The following SCAP variants were observed in gnomAD, a reference collection of about 807,000 sequenced individuals.
The protein encoded by SCAP is SREBF chaperone, also known as sterol regulatory element-binding protein cleavage-activating protein.
A neutral mutation model predicts 123.6 loss-of-function variants in SCAP; 65 were observed. That is an observed-to-expected ratio of 0.53 (90% confidence interval 0.43 to 0.65). The LOEUF (loss-of-function observed/expected upper bound fraction) is 0.65. SCAP is among the 30% of genes least tolerant of loss of function. The pLI is 0.00. For missense variants in SCAP, 1,398 were observed against 1,712.5 expected, an observed-to-expected ratio of 0.82 and a Z score of 3.24; for synonymous variants, 740 against 726.3, an observed-to-expected ratio of 1.02 and a Z score of -0.30.
At chr3:47,466,822 C>T (rs879945451) in intron 1 of SCAP, among the ~76,000 whole-genome samples, 1 of 152,124 alleles carries the variant, frequency 6.6e-6, no homozygotes, top group Non-Finnish European at 1.5e-5. Flanking sequence ...TGGTGGCTCA[C>T]GCCTTAATCC....
chr3:47,430,902 A>G (rs1317620160), intron 3 of SCAP, among the ~76,000 whole-genome samples: 3 of 152,196 alleles, frequency 2.0e-5, no homozygotes, highest in Non-Finnish European at 4.4e-5. Flanking sequence ...TCACCAATGC[A>G]GTACTCCAGG....
In SCAP at chr3:47,452,569, A is replaced by G. The variant is rs577627744; in HGVS notation, c.-98-9478T>C. On this transcript the variant is annotated intron_variant, in intron 1 of 22. Transcript: ENST00000265565. ...CACTTCATCCATCCTGTTCTTCACA[A>G]ATGTCCCAATCTAAATCCTTGTTAG... is the stretch of plus-strand genomic sequence containing the variant. Among the ~76,000 whole-genome samples the G allele has an allele frequency of 1.5e-3, 227 of 152,324 alleles. 1 individual carries two copies. The highest frequency in any genetic ancestry group is 1.2e-3 in the Non-Finnish European group (83 of 68,012).
Position 47,413,705 on chromosome 3 carries a change from G to GATGAT in SCAP, c.*144_*148dup. ...GTAGCTCCCAAAGTGCCTGACAGAT[G>GATGAT]ATGATATGGTTTTTTAAAAAAGTTT... is the stretch of plus-strand genomic sequence containing the variant. On this transcript the variant is annotated 3_prime_UTR_variant, in exon 23 of 23. Coordinates refer to ENST00000265565, the MANE Select transcript of SCAP (RefSeq NM_012235.4). 9.2e-7 allele frequency: 1 copy of GATGAT among 1,092,490 alleles called. No individual in the cohort carries two copies. Among genetic ancestry groups the GATGAT allele is most frequent in the Non-Finnish European group, 1.3e-6 (1 of 762,364 alleles). The allele number at this position is 1,092,490 out of a possible 1,614,324, so 67.7% of individuals were successfully genotyped here.
chr3:47,431,241 T>C (rs1470588234), intron 3 of SCAP, among the ~76,000 whole-genome samples: 1 of 1,596 alleles, frequency 6.3e-4, no homozygotes, highest in African/African-American at 6.8e-4. Context: ...CCACACTCAC[T>C]GTGCTGAGTG....
In SCAP at chr3:47,420,329, T is replaced by C. The variant is rs1705835967; in HGVS notation, c.1563+225A>G. Among the ~76,000 whole-genome samples, 3 of 152,304 alleles carry C rather than the reference T, an allele frequency of 2.0e-5. No homozygotes were observed. Among genetic ancestry groups the C allele is most frequent in the East Asian group, 1.9e-4 (1 of 5,182 alleles). ...CACTCTGGGGAGAGGATGGCTCCTG[T>C]ACCTGAGAACCCTGGAGCTGCTTCT... On this transcript the variant is annotated intron_variant, in intron 12 of 22. Transcript: ENST00000265565. This position sits in a 1 kb window ranked among gnomAD's most constrained non-coding sequence, Gnocchi z 5.0.
intron 1 of SCAP, among the ~76,000 whole-genome samples, chr3:47,454,038 G>C (rs989220704): frequency 6.6e-6 from 1 of 152,174 alleles, no homozygotes; most frequent in Non-Finnish European, 1.5e-5. Context: ...CAATGCTGAA[G>C]ACATCTGATA....
intron 1 of SCAP, among the ~76,000 whole-genome samples, chr3:47,459,170 A>G (rs1330772195): frequency 6.6e-6 from 1 of 152,124 alleles, no homozygotes. Context: ...ATTTCACACA[A>G]TGTCTTGGCC....
chr3:47,454,195 GTC>G lies in SCAP; in HGVS notation c.-98-11106_-98-11105del, dbSNP rs1707326343. Among the ~76,000 whole-genome samples, 3 of 152,030 alleles carry G rather than the reference GTC, an allele frequency of 2.0e-5. No homozygotes were observed. The East Asian group carries it at 5.8e-4, about 29-fold the overall frequency. On this transcript the variant is annotated intron_variant, in intron 1 of 22. Coordinates refer to ENST00000265565, the MANE Select transcript of SCAP (RefSeq NM_012235.4). The stretch of plus-strand genomic sequence containing the variant: ...ATCCTGGCTAACACAGTGAAACCCT[GTC>G]TCTACTAAAAATACAAAAAATTAGC...
rs745442359 is a variant in SCAP at position 47,418,363 on chromosome 3, G to A, written c.2289C>T (p.Pro763=). The A allele has an allele frequency of 2.0e-5, 32 of 1,571,430 alleles. 1 individual carries two copies. In the South Asian group the frequency reaches 2.2e-4, roughly 11 times the overall value. Residue 763 remains proline, a synonymous_variant, in exon 15 of 23, where the codon CCC becomes CCT. Coordinates refer to ENST00000265565, the MANE Select transcript of SCAP (RefSeq NM_012235.4). Reference sequence around the variant, plus strand: ...GCACAAGCGGCACGATCTCCGTCTCGGGTGGCGCATAGCCGTAGTCGTCGC... The same window carrying A: ...GCACAAGCGGCACGATCTCCGTCTCAGGTGGCGCATAGCCGTAGTCGTCGC... ...LPCDDYGYAP[P]ETEIVPLVLR...
chr3:47,473,873 G>C (rs1231945941), intron 1 of SCAP, among the ~76,000 whole-genome samples: 3 of 152,114 alleles, frequency 2.0e-5, no homozygotes, highest in Non-Finnish European at 4.4e-5. Context: ...CCTAATGACA[G>C]TGACTGAGGG....
Position 47,419,488 on chromosome 3 carries a change from G to A in SCAP, c.1780C>T (p.Pro594Ser). 1 of 1,614,006 alleles carries A rather than the reference G, an allele frequency of 6.2e-7. No homozygotes were observed. Among genetic ancestry groups the A allele is most frequent in the South Asian group, 1.1e-5 (1 of 91,086 alleles). Residue 594 changes from proline to serine, a missense_variant, in exon 13 of 23, where the codon CCA (proline) becomes TCA (serine). By Grantham distance (74) the Pro-to-Ser change is moderately conservative. Transcript: ENST00000265565. This position sits in a 1 kb window ranked among gnomAD's most constrained non-coding sequence, Gnocchi z 5.0. ...CCTCCACGCTCAGGTGACTCGCCTG[G>A]CGACGTCTGGTTCTCAGGTAGCTTA... ...APKLPENQTS[P>S]GESPERGGPA...
intron 3 of SCAP, 60 bp downstream of exon 3, chr3:47,434,948 G>GC: frequency 1.2e-6 from 2 of 1,611,082 alleles, no homozygotes; most frequent in Non-Finnish European, 1.7e-6. Flanking sequence ...GCAGACCCCT[G>GC]CCTCAGCCAG....
chr3:47,425,894 C>T, intron 7 of SCAP, 103 bp downstream of exon 7: 5 of 1,323,832 alleles, frequency 3.8e-6, no homozygotes, highest in Non-Finnish European at 5.2e-6. Context: ...CAGGTGTGTT[C>T]TATCTCTCTA....
At chr3:47,442,849 T>C in intron 2 of SCAP, 23 bp downstream of exon 2, 1 of 1,611,466 alleles carries the variant, frequency 6.2e-7, no homozygotes, top group Non-Finnish European at 8.5e-7. Flanking sequence ...GCCCACCATA[T>C]CCAAGGCAAC....
Position 47,414,406 on chromosome 3 carries a change from G to A in SCAP, c.3388-20C>T. The A allele has an allele frequency of 1.2e-6, 2 of 1,611,692 alleles. No homozygotes were observed. The highest frequency in any genetic ancestry group is 1.3e-5 in the African/African-American group (1 of 75,032). On this transcript the variant is annotated intron_variant, in intron 21 of 22. Transcript: ENST00000265565. ...CATGGTCTGGGGAAACAGGCCAGGG[G>A]AGTGGGGTCACCATGGTGTAATACC...
intron 3 of SCAP, among the ~76,000 whole-genome samples, chr3:47,430,243 G>A (rs1015485583): frequency 2.6e-5 from 4 of 152,144 alleles, no homozygotes; most frequent in African/African-American, 9.7e-5. Context: ...AGGCAGGGTG[G>A]TGTAAGGACT....
At chr3:47,443,936 G>A (rs1184988533) in intron 1 of SCAP, among the ~76,000 whole-genome samples, 1 of 152,184 alleles carries the variant, frequency 6.6e-6, no homozygotes, top group Non-Finnish European at 1.5e-5. Flanking sequence ...GGATATTCAT[G>A]ATGTTTATTC....
intron 19 of SCAP, 38 bp from the exon 20 acceptor site, chr3:47,415,031 G>T: frequency 6.3e-7 from 1 of 1,580,222 alleles, no homozygotes; most frequent in East Asian, 2.2e-5. Context: ...CTCTGAGAAA[G>T]CAATGGGTAG....
intron 18 of SCAP, 28 bp from the exon 19 acceptor site, chr3:47,415,208 C>G: frequency 6.3e-7 from 1 of 1,589,220 alleles, no homozygotes. Flanking sequence ...CTGCCAGGGG[C>G]CTCTCCCTTA....
Sources: gnomAD v4.1 joint callset for allele counts (sites outside exome capture counted in the v4.1 genomes callset) on GRCh38, gnomAD v4.1.1 for gene constraint, Gnocchi (gnomAD v3.1) non-coding constraint, MANE v1.5 for transcripts, NCBI Gene and HGNC (gene_info 2026-07-23, HGNC 2026-07-21) for gene names.